STK32C: variants seen among roughly 807,000 people sequenced by gnomAD.
The protein encoded by STK32C is serine/threonine kinase 32C.
Under a neutral mutation model 56.5 loss-of-function variants are expected in STK32C, and 31 were observed. That is an observed-to-expected ratio of 0.55 (90% CI 0.41 to 0.74). The LOEUF (loss-of-function observed/expected upper bound fraction) is 0.74, where lower values mean the gene tolerates loss of function less well. Ranked by LOEUF, STK32C falls within the 30% of genes least tolerant of loss-of-function variation. STK32C has a pLI of 0.00. For missense variants in STK32C, 544 were observed against 676.9 expected (o/e 0.80, Z 2.18); for synonymous variants, 309 against 289.4 (o/e 1.07, Z -0.69).
intron 1 of STK32C, chr10:132,249,213 C>T: frequency 3.3e-6 from 1 of 301,458 alleles, no homozygotes; most frequent in Non-Finnish European, 6.5e-6. Context: ...CGTGGGGTTG[C>T]GGGAGTGCTG....
chr10:132,302,487 C>CA (rs1364176073), intron 1 of STK32C, among the ~76,000 whole-genome samples: 2 of 152,178 alleles, frequency 1.3e-5, no homozygotes, highest in East Asian at 3.9e-4. Flanking sequence ...CCGGGGAAGC[C>CA]AGGAGCAAAC....
At chr10:132,219,460 G>T (rs916217714) in intron 10 of STK32C, among the ~76,000 whole-genome samples, 22 of 152,246 alleles carry the variant, frequency 1.4e-4, no homozygotes, top group African/African-American at 5.1e-4. Flanking sequence ...GTCCATCCCT[G>T]AGTCTCCCAT....
At position 132,253,345 on chromosome 10, in the gene STK32C, C is replaced by A. The variant is rs12761565; in HGVS notation, c.263-7390G>T. Among the ~76,000 whole-genome samples, 356 of 149,476 alleles carry A rather than the reference C, an allele frequency of 2.4e-3. 2 individuals are homozygous for A. Among genetic ancestry groups the A allele is most frequent in the African/African-American group, 8.3e-3 (336 of 40,520 alleles). ...AGGGAGCAGAGGGAGCTGGAGGGAG[C>A]CGAGGGAGCTGGAGAGAGTCAAGGG... is the stretch of plus-strand genomic sequence containing the variant. On this transcript the variant is annotated intron_variant, in intron 1 of 11. Transcript: ENST00000298630.
chr10:132,222,500 C>A (rs773780299), intron 10 of STK32C, 141 bp downstream of exon 10: 13 of 1,121,744 alleles, frequency 1.2e-5, no homozygotes, highest in Non-Finnish European at 1.6e-5. Flanking sequence ...AGGTCTCTGG[C>A]CTTCTCAGGA....
At chr10:132,230,781 C>T (rs1375740042) in intron 2 of STK32C, among the ~76,000 whole-genome samples, 1 of 151,622 alleles carries the variant, frequency 6.6e-6, no homozygotes, top group Non-Finnish European at 1.5e-5. Flanking sequence ...CTTTCTGTCG[C>T]TTGTGCACCA....
intron 1 of STK32C, among the ~76,000 whole-genome samples, chr10:132,252,668 C>T (rs925003500): frequency 2.6e-5 from 4 of 152,092 alleles, no homozygotes; most frequent in Admixed American, 6.5e-5. Flanking sequence ...CTCGGAGCTC[C>T]GGGCCCACCA....
intron 2 of STK32C, among the ~76,000 whole-genome samples, chr10:132,236,196 C>T (rs1179807917): frequency 1.3e-5 from 2 of 152,232 alleles, no homozygotes; most frequent in Non-Finnish European, 1.5e-5. Context: ...GGACCCCTGG[C>T]CCCTTCCCCA....
chr10:132,280,798 C>T lies in STK32C; in HGVS notation c.262+26774G>A, dbSNP rs530932935. 2.5e-4 allele frequency among the ~76,000 whole-genome samples: 37 copies of T among 147,402 alleles called. No homozygotes were observed. The South Asian group carries it at 7.5e-3, about 30-fold the overall frequency. On this transcript the variant is annotated intron_variant, in intron 1 of 11. Transcript: ENST00000298630. ...CACTCTGTGATCACGCCACTGCACCCCGTGATCACACCACCTGCGCTCCAT... is the reference window on the plus strand; with the variant it reads ...CACTCTGTGATCACGCCACTGCACCTCGTGATCACACCACCTGCGCTCCAT...
intron 10 of STK32C, among the ~76,000 whole-genome samples, chr10:132,214,609 T>A (rs2062411115): frequency 6.6e-6 from 1 of 152,212 alleles, no homozygotes; most frequent in Non-Finnish European, 1.5e-5. Context: ...AGAGGTAAAA[T>A]GAAATTTTTA....
chr10:132,332,145 A>T (rs1318512289), upstream of STK32C: 1 of 171,802 alleles, frequency 5.8e-6, no homozygotes, highest in Admixed American at 6.4e-5. Flanking sequence ...CGCCTGCGGG[A>T]TTCCGTACCG....
rs185228799 is a variant in STK32C at position 132,264,682 on chromosome 10, A to T, written c.263-18727T>A. 3.9e-5 allele frequency among the ~76,000 whole-genome samples: 6 copies of T among 152,294 alleles called. No individual in the cohort carries two copies. In the East Asian group the frequency reaches 1.2e-3, roughly 29 times the overall value. On this transcript the variant is annotated intron_variant, in intron 1 of 11. Transcript: ENST00000298630. ...GGGAGGGAGGAGGACTCCCCAAACC[A>T]GCACCTAGTGGGGCTCGCATGGGGC...
At chr10:132,258,944 T>C (rs2064215848) in intron 1 of STK32C, among the ~76,000 whole-genome samples, 1 of 152,234 alleles carries the variant, frequency 6.6e-6, no homozygotes, top group Admixed American at 6.5e-5. Context: ...ATCCTAGAAA[T>C]GCTAATGGCA....
intron 2 of STK32C, among the ~76,000 whole-genome samples, chr10:132,233,012 C>T (rs1056154989): frequency 6.6e-6 from 1 of 152,216 alleles, no homozygotes; most frequent in Non-Finnish European, 1.5e-5. Flanking sequence ...GGCCTCTAAA[C>T]GGTATAATGA....
intron 1 of STK32C, among the ~76,000 whole-genome samples, chr10:132,247,616 C>A (rs867939847): frequency 1.3e-5 from 2 of 152,058 alleles, no homozygotes; most frequent in Non-Finnish European, 2.9e-5. Context: ...TGGGCACAGG[C>A]AGGAAAAGGA....
At chr10:132,277,260 G>T (rs967951334) in intron 1 of STK32C, among the ~76,000 whole-genome samples, 2 of 152,126 alleles carry the variant, frequency 1.3e-5, no homozygotes, top group African/African-American at 2.4e-5. Context: ...CACGAGAGCC[G>T]CTGGAGAGAG....
chr10:132,219,205 G>A (rs2062559066), intron 10 of STK32C, among the ~76,000 whole-genome samples: 4 of 152,200 alleles, frequency 2.6e-5, no homozygotes. Flanking sequence ...ATATTGCATG[G>A]AATGTGAATT....
At chr10:132,273,442 T>C (rs2138174124) in intron 1 of STK32C, among the ~76,000 whole-genome samples, 1 of 152,258 alleles carries the variant, frequency 6.6e-6, no homozygotes, top group Admixed American at 6.5e-5. Context: ...AATGAATCAG[T>C]AGATGAGTGA....
At chr10:132,300,146 G>A (rs2065870395) in intron 1 of STK32C, among the ~76,000 whole-genome samples, 1 of 152,246 alleles carries the variant, frequency 6.6e-6, no homozygotes, top group South Asian at 2.1e-4. Flanking sequence ...TGCGTTCGGA[G>A]GACGGAGAGT....
At chr10:132,254,845 C>G (rs2064050410) in intron 1 of STK32C, among the ~76,000 whole-genome samples, 1 of 152,178 alleles carries the variant, frequency 6.6e-6, no homozygotes, top group Non-Finnish European at 1.5e-5. Flanking sequence ...GCTCCTGACA[C>G]CCCAGGTCCC....
Sources: allele counts gnomAD v4.1 joint callset (sites outside exome capture counted in the v4.1 genomes callset), GRCh38; gene constraint gnomAD v4.1.1; transcripts MANE v1.5; gene names NCBI Gene and HGNC (gene_info 2026-07-23, HGNC 2026-07-21).